Variants in PKP2 observed in about 807,000 individuals in gnomAD.
PKP2 encodes the protein plakophilin-2.
In PKP2, 73 loss-of-function variants were observed where a neutral mutation model predicts 83.4. The ratio of observed to expected loss-of-function variants is 0.88; its 90% CI spans 0.72 to 1.06. The LOEUF (loss-of-function observed/expected upper bound fraction) is 1.06, where lower values mean the gene tolerates loss of function less well. Among genes scored for constraint, PKP2 ranks in the 50% least tolerant of loss-of-function variants. The pLI is 0.00. For synonymous variants in PKP2, 409 were observed against 430.4 expected (o/e 0.95, Z 0.62); for missense variants, 966 against 1,065.4 (o/e 0.91, Z 1.30).
chr12:32,838,120 ATACACCATGGAATAC>A (rs1293795572), intron 6 of PKP2, among the ~76,000 whole-genome samples: 2 of 152,228 alleles, frequency 1.3e-5, no homozygotes, highest in Non-Finnish European at 2.9e-5. Flanking sequence ...TGTGGTATAC[ATACACCATGGAATAC>A]TACACAGCCA....
At chr12:32,797,336 C>T (rs1253863151) in intron 10 of PKP2, among the ~76,000 whole-genome samples, 1 of 148,720 alleles carries the variant, frequency 6.7e-6, no homozygotes, top group African/African-American at 2.5e-5. Context: ...GTCCCTGCTA[C>T]TCAGGAGGCT....
chr12:32,842,838 C>T (rs917411575), intron 5 of PKP2, among the ~76,000 whole-genome samples: 6 of 151,938 alleles, frequency 3.9e-5, no homozygotes, highest in Non-Finnish European at 8.8e-5. Context: ...CCATGCCTGG[C>T]TAATTTTTGT....
At chr12:32,875,821 AGAT>A (rs1956927094) in intron 3 of PKP2, among the ~76,000 whole-genome samples, 1 of 152,134 alleles carries the variant, frequency 6.6e-6, no homozygotes, top group Admixed American at 6.5e-5. Context: ...GAGGATAGGG[AGAT>A]GATGAGTTTA....
chr12:32,879,357 A>C (rs1956964988), intron 1 of PKP2, among the ~76,000 whole-genome samples: 1 of 151,660 alleles, frequency 6.6e-6, no homozygotes, highest in African/African-American at 2.4e-5. Context: ...ACATGGCGAA[A>C]CCCATCTCTA....
intron 10 of PKP2, among the ~76,000 whole-genome samples, chr12:32,796,565 AT>A (rs972128444): frequency 2.7e-5 from 4 of 150,438 alleles, no homozygotes; most frequent in East Asian, 1.9e-4. Context: ...TTATTTTTTT[AT>A]TTTTTTTTAT....
intron 4 of PKP2, among the ~76,000 whole-genome samples, chr12:32,868,366 A>T (rs1462357971): frequency 6.6e-6 from 1 of 151,880 alleles, no homozygotes; most frequent in East Asian, 1.9e-4. Context: ...GGCATGTGCC[A>T]CCACACATGG....
chr12:32,836,231 A>G (rs1327930639), intron 6 of PKP2, among the ~76,000 whole-genome samples: 8 of 152,250 alleles, frequency 5.3e-5, no homozygotes. Flanking sequence ...TGTGAAAAGT[A>G]TGTAATTCCA....
At chr12:32,803,715 T>G (rs1194234080) in intron 9 of PKP2, among the ~76,000 whole-genome samples, 1 of 152,232 alleles carries the variant, frequency 6.6e-6, no homozygotes, top group African/African-American at 2.4e-5. Context: ...TGAAATATCT[T>G]GGGGATGAGA....
chr12:32,829,250 A>AT (rs1406416733), intron 6 of PKP2, among the ~76,000 whole-genome samples: 1 of 141,294 alleles, frequency 7.1e-6, no homozygotes, highest in Non-Finnish European at 1.5e-5. Context: ...TTTTTTATTT[A>AT]TTTTTTCTTA....
rs568648589 is a variant in PKP2, at chr12:32,828,988, T to G, written c.1557-4826A>C. 2.7e-4 allele frequency among the ~76,000 whole-genome samples: 41 copies of G among 152,208 alleles called. 1 individual carries two copies. The highest frequency in any genetic ancestry group is 5.4e-4 in the Non-Finnish European group (37 of 68,040). On this transcript the variant is annotated intron_variant, in intron 6 of 12. Transcript: ENST00000340811. ...TCTCACTCTATCGTCCAGGCTGTAGTGCAGTGGCATGATCATACCTCACTG... is the reference window on the plus strand; with the variant it reads ...TCTCACTCTATCGTCCAGGCTGTAGGGCAGTGGCATGATCATACCTCACTG...
At chr12:32,894,256 T>C (rs150114048) in intron 1 of PKP2, 218 of 152,312 alleles carry the variant, frequency 1.4e-3, no homozygotes, top group African/African-American at 5.1e-3. Flanking sequence ...CATAATATAT[T>C]AGCCATTCTT....
chr12:32,830,809 G>A (rs780693263), intron 6 of PKP2, among the ~76,000 whole-genome samples: 5 of 151,854 alleles, frequency 3.3e-5, no homozygotes, highest in African/African-American at 4.8e-5. Flanking sequence ...GGGAGGCTGA[G>A]GCAGGAGAAT....
chr12:32,891,800 C>T (rs1957077370), intron 1 of PKP2, among the ~76,000 whole-genome samples: 1 of 152,226 alleles, frequency 6.6e-6, no homozygotes, highest in African/African-American at 2.4e-5. Context: ...GATTCTGAAG[C>T]ATCCTTACTT....
intron 1 of PKP2, among the ~76,000 whole-genome samples, chr12:32,888,344 T>A (rs527608041): frequency 4.6e-5 from 7 of 152,366 alleles, no homozygotes. Flanking sequence ...GGTGAATTTA[T>A]AGAACTCACA....
intron 5 of PKP2, among the ~76,000 whole-genome samples, chr12:32,843,754 T>C (rs1271549694): frequency 6.6e-6 from 1 of 152,216 alleles, no homozygotes; most frequent in Non-Finnish European, 1.5e-5. Context: ...TTCCTCCTGC[T>C]TCTCCTTAAG....
chr12:32,844,744 C>CT (rs1451797858), intron 5 of PKP2, among the ~76,000 whole-genome samples: 1 of 152,128 alleles, frequency 6.6e-6, no homozygotes, highest in African/African-American at 2.4e-5. Flanking sequence ...AAGTGTTAGA[C>CT]TAGATGAGCA....
intron 1 of PKP2, among the ~76,000 whole-genome samples, chr12:32,881,171 G>A (rs540997605): frequency 1.3e-5 from 2 of 152,166 alleles, no homozygotes; most frequent in South Asian, 2.1e-4. Context: ...GTTTGTACAC[G>A]TGTCCTTATT....
intron 3 of PKP2, among the ~76,000 whole-genome samples, chr12:32,874,112 T>G (rs1174475289): frequency 2.0e-5 from 3 of 152,234 alleles, no homozygotes; most frequent in Non-Finnish European, 4.4e-5. Flanking sequence ...GTTTAATACC[T>G]TAAGTCATTA....
chr12:32,824,440 A>T, intron 6 of PKP2: 2 of 414,546 alleles, frequency 4.8e-6, no homozygotes, highest in Non-Finnish European at 9.0e-6. Flanking sequence ...TCTTCACTCC[A>T]TTTTGAGTGT....
Sources: gnomAD v4.1 joint callset for allele counts (sites outside exome capture counted in the v4.1 genomes callset) on GRCh38, gnomAD v4.1.1 for gene constraint, MANE v1.5 for transcripts, NCBI Gene and HGNC (gene_info 2026-07-23, HGNC 2026-07-21) for gene names.